EYA2: variants seen among roughly 807,000 people sequenced by gnomAD.
EYA2 encodes EYA transcriptional coactivator and phosphatase 2.
EYA2 carries 31 observed loss-of-function variants against 69.2 expected under a neutral mutation model. That is an observed-to-expected ratio of 0.45 (90% CI 0.34 to 0.60). The LOEUF is 0.60. EYA2 is among the 20% of genes least tolerant of loss of function. The pLI is 0.02. For missense variants in EYA2, 622 were observed against 701.2 expected, an observed-to-expected ratio of 0.89 and a Z score of 1.28; for synonymous variants, 257 against 279.4, an observed-to-expected ratio of 0.92 and a Z score of 0.80.
intron 1 of EYA2, among the ~76,000 whole-genome samples, chr20:46,918,482 T>TA (rs945505613): frequency 4.6e-5 from 7 of 152,098 alleles, no homozygotes; most frequent in Non-Finnish European, 8.8e-5. Context: ...CTATTTTTTT[T>TA]AGTTTAGTAG....
intron 7 of EYA2, among the ~76,000 whole-genome samples, chr20:47,080,831 TGCGAGACTC>T (rs1206858702): frequency 6.6e-6 from 1 of 152,166 alleles, no homozygotes; most frequent in Admixed American, 6.5e-5. Flanking sequence ...CATCAGATCT[TGCGAGACTC>T]GTTCACTATC....
At chr20:46,928,837 C>T (rs2146247564) in intron 1 of EYA2, among the ~76,000 whole-genome samples, 1 of 152,302 alleles carries the variant, frequency 6.6e-6, no homozygotes, top group Admixed American at 6.5e-5. Flanking sequence ...GCTATACAGA[C>T]AGAGTTCTAG....
chr20:47,041,040 C>G (rs1328842817), intron 5 of EYA2, among the ~76,000 whole-genome samples: 1 of 152,140 alleles, frequency 6.6e-6, no homozygotes, highest in South Asian at 2.1e-4. Context: ...TTAGGCCTGG[C>G]TGGAGGATAA....
chr20:47,084,100 G>C (rs1444596802), intron 7 of EYA2, among the ~76,000 whole-genome samples: 1 of 152,124 alleles, frequency 6.6e-6, no homozygotes, highest in East Asian at 1.9e-4. Flanking sequence ...TACAAAATTA[G>C]CTGGGTGTGG....
intron 1 of EYA2, among the ~76,000 whole-genome samples, chr20:46,907,357 A>G (rs1214929122): frequency 6.6e-6 from 1 of 152,234 alleles, no homozygotes; most frequent in African/African-American, 2.4e-5. Flanking sequence ...TACCGAGCTA[A>G]GTCCTCAACA....
chr20:47,100,379 G>T (rs912226296), intron 9 of EYA2, among the ~76,000 whole-genome samples: 1 of 152,184 alleles, frequency 6.6e-6, no homozygotes, highest in African/African-American at 2.4e-5. Flanking sequence ...CCCTCTTAGG[G>T]GGGGTGGACA....
chr20:47,092,626 G>T (rs770041334), intron 8 of EYA2, among the ~76,000 whole-genome samples: 3 of 152,146 alleles, frequency 2.0e-5, no homozygotes, highest in Admixed American at 1.3e-4. Context: ...GGTAGAGAGA[G>T]ATTTTTCCAT....
intron 1 of EYA2, among the ~76,000 whole-genome samples, chr20:46,929,907 G>A (rs900914670): frequency 4.7e-4 from 71 of 152,180 alleles, no homozygotes; most frequent in African/African-American, 1.5e-3. Flanking sequence ...AAACTTAGGT[G>A]TTCAAATGCT....
chr20:46,912,687 ATTTTTT>A (rs11473019), intron 1 of EYA2, among the ~76,000 whole-genome samples: 1 of 145,714 alleles, frequency 6.9e-6, no homozygotes, highest in Admixed American at 6.8e-5. Context: ...GGAATTTTTA[ATTTTTT>A]TTTTTTTTCT....
At position 47,102,089 on chromosome 20, in the gene EYA2, A is replaced by C. The variant is rs2032438786; in HGVS notation, c.888+4921A>C. 2.0e-5 allele frequency among the ~76,000 whole-genome samples: 3 copies of C among 152,250 alleles called. No homozygotes were observed. In the South Asian group the frequency reaches 6.2e-4, roughly 32 times the overall value. On this transcript the variant is annotated intron_variant, in intron 9 of 15. Transcript: ENST00000327619. The stretch of plus-strand genomic sequence containing the variant: ...AGGTCTGGCTGGATCCAGATGTTTA[A>C]GCAATGTTCTTAGGTCATTCTGTAT...
rs370167020 is a variant in EYA2, at chr20:46,948,846, G to A, written c.-10-41155G>A. Among the ~76,000 whole-genome samples the A allele has an allele frequency of 1.1e-4, 16 of 152,274 alleles. No homozygotes were observed. In the East Asian group the frequency reaches 1.7e-3, roughly 17 times the overall value. On this transcript the variant is annotated intron_variant, in intron 1 of 15. Coordinates refer to ENST00000327619, the MANE Select transcript of EYA2 (RefSeq NM_005244.5). The stretch of plus-strand genomic sequence containing the variant: ...TTCTTCATTCAAGCTTGAGATGATC[G>A]CTCCATAAATGTAGTGTTGAAATCT...
chr20:47,009,836 T>C (rs769836895), intron 4 of EYA2, among the ~76,000 whole-genome samples: 11 of 152,268 alleles, frequency 7.2e-5, no homozygotes, highest in Non-Finnish European at 1.3e-4. Flanking sequence ...TGGAGTTTGC[T>C]GACCTTTAAT....
chr20:47,090,185 G>A (rs184017907), intron 8 of EYA2, among the ~76,000 whole-genome samples: 202 of 150,922 alleles, frequency 1.3e-3, no homozygotes, highest in Middle Eastern at 0.01. Context: ...GGTGATTCCT[G>A]TGTGCAGCTC....
chr20:46,972,423 TC>T (rs1361889743), intron 1 of EYA2, among the ~76,000 whole-genome samples: 1 of 152,218 alleles, frequency 6.6e-6, no homozygotes, highest in African/African-American at 2.4e-5. Flanking sequence ...GGAAAAACAC[TC>T]CATTGGCACA....
intron 3 of EYA2, 68 bp from the exon 4 acceptor site, chr20:47,004,874 A>G (rs1404503508): frequency 1.9e-6 from 3 of 1,608,804 alleles, no homozygotes; most frequent in Non-Finnish European, 2.6e-6. Context: ...GGGGGTGTTG[A>G]TATCAAGATA....
chr20:47,174,874 C>T (rs3787235), intron 12 of EYA2, among the ~76,000 whole-genome samples: 56,280 of 152,126 alleles, frequency 0.37, 11,767 homozygotes, highest in Non-Finnish European at 0.48. Context: ...CAGGGCCACA[C>T]TTGGTGGCCT....
intron 9 of EYA2, among the ~76,000 whole-genome samples, chr20:47,118,237 C>A (rs1260832786): frequency 6.6e-6 from 1 of 152,324 alleles, no homozygotes; most frequent in East Asian, 1.9e-4. Context: ...ATCTCTCTTC[C>A]CCCTTCCCTC....
At chr20:47,074,058 C>T in intron 6 of EYA2, 100 bp from the exon 7 acceptor site, 3 of 1,164,740 alleles carry the variant, frequency 2.6e-6, no homozygotes, top group South Asian at 1.9e-5. Context: ...CCACAGAGAG[C>T]TTTTATTCTA....
At chr20:46,958,356 A>G (rs1407702454) in intron 1 of EYA2, among the ~76,000 whole-genome samples, 1 of 152,196 alleles carries the variant, frequency 6.6e-6, no homozygotes, top group Non-Finnish European at 1.5e-5. Flanking sequence ...CAACTGAGCC[A>G]TGATGGGGAT....
Sources: allele counts gnomAD v4.1 joint callset (sites outside exome capture counted in the v4.1 genomes callset), GRCh38; gene constraint gnomAD v4.1.1; transcripts MANE v1.5; gene names NCBI Gene and HGNC (gene_info 2026-07-23, HGNC 2026-07-21).